The following DBT variants were observed in gnomAD, a reference collection of about 807,000 sequenced individuals.
The protein encoded by DBT is dihydrolipoamide branched chain transacylase E2.
In DBT, 40 loss-of-function variants were observed where a neutral mutation model predicts 51.3. The observed-to-expected ratio is 0.78, with a 90% CI of 0.61 to 1.02. The LOEUF (loss-of-function observed/expected upper bound fraction) is 1.02, where lower values mean the gene tolerates loss of function less well. DBT is among the 50% of genes least tolerant of loss of function. DBT has a pLI of 0.00. For missense variants in DBT, 510 were observed against 580.2 expected, an observed-to-expected ratio of 0.88 and a Z score of 1.24; for synonymous variants, 181 against 190.4, an observed-to-expected ratio of 0.95 and a Z score of 0.41.
rs1389633870 is a variant in DBT at position 100,192,662 on chromosome 1, T to C, written c.*3593A>G. 1 of 152,176 alleles carries C rather than the reference T, an allele frequency of 6.6e-6. No individual in the cohort carries two copies. The highest frequency in any genetic ancestry group is 1.5e-5 in the Non-Finnish European group (1 of 68,034). 9.4% of individuals were successfully genotyped at this position (152,176 alleles called of 1,614,324 possible). On this transcript the variant is annotated 3_prime_UTR_variant, in exon 11 of 11. Transcript: ENST00000370132. ...CTTTCACTCTTTCTACATAATCACTTCTTACATAGGTTTCAACATAAGGTA... is the reference window on the plus strand; with the variant it reads ...CTTTCACTCTTTCTACATAATCACTCCTTACATAGGTTTCAACATAAGGTA...
At position 100,214,963 on chromosome 1, in the gene DBT, T is replaced by C; in HGVS notation, c.793A>G (p.Lys265Glu). The C allele has an allele frequency of 6.2e-7, 1 of 1,612,036 alleles. No homozygotes were observed. The highest frequency in any genetic ancestry group is 1.1e-5 in the South Asian group (1 of 91,016). The change falls in exon 7 of 11, where the codon AAG (lysine) becomes GAG (glutamate). Residue 265 changes from lysine to glutamate, a missense_variant. Physicochemically the swap from Lys to Glu is moderately conservative, Grantham distance 56. Transcript: ENST00000370132. ...PIKGFQKAMVKTMSAALKIPH... is the reference protein window; with the variant it reads ...PIKGFQKAMVETMSAALKIPH... ...ATCTTCAGGGCTGCAGACATAGTCT[T>C]GACCATTGCTTTTTGAAAGCCTGAA...
At chr1:100,230,538 C>T (rs1050716112) in intron 4 of DBT, among the ~76,000 whole-genome samples, 195 bp downstream of exon 4, 3 of 151,378 alleles carry the variant, frequency 2.0e-5, no homozygotes, top group Admixed American at 6.6e-5. Flanking sequence ...TCTTATCCTA[C>T]AATTCAGATT....
chr1:100,225,010 T>A, intron 4 of DBT, among the ~76,000 whole-genome samples: 1 of 101,344 alleles, frequency 9.9e-6, no homozygotes, highest in Non-Finnish European at 1.8e-5. Context: ...AGAGTGAGAC[T>A]CCGTCTCCCC....
At chr1:100,221,440 T>G (rs960238021) in intron 4 of DBT, among the ~76,000 whole-genome samples, 1 of 152,196 alleles carries the variant, frequency 6.6e-6, no homozygotes, top group Admixed American at 6.5e-5. Context: ...TGCCTTGGCC[T>G]CCTTCAGTGT....
At chr1:100,228,379 G>A (rs1393954386) in intron 4 of DBT, among the ~76,000 whole-genome samples, 3 of 152,096 alleles carry the variant, frequency 2.0e-5, no homozygotes, top group East Asian at 1.9e-4. Context: ...TCCTATATTG[G>A]ATCCTAGTTA....
chr1:100,243,668 T>C (rs536964424), intron 1 of DBT, among the ~76,000 whole-genome samples: 75 of 152,190 alleles, frequency 4.9e-4, no homozygotes, highest in Middle Eastern at 3.4e-3. Flanking sequence ...AACATACACG[T>C]TAGCCCTCTT....
At chr1:100,238,580 C>CA (rs1329718956) in intron 2 of DBT, among the ~76,000 whole-genome samples, 1 of 152,030 alleles carries the variant, frequency 6.6e-6, no homozygotes, top group African/African-American at 2.4e-5. Flanking sequence ...ACTGCAGCCT[C>CA]AAACTCTGGG....
At chr1:100,203,368 T>C (rs756304460) in intron 10 of DBT, among the ~76,000 whole-genome samples, 5 of 152,240 alleles carry the variant, frequency 3.3e-5, no homozygotes, top group Non-Finnish European at 7.3e-5. Flanking sequence ...GATAAATTGC[T>C]GGACGCATAC....
rs112208534 is a variant in DBT, at chr1:100,214,679, G to C, written c.939+138C>G. ...TAAGGCAAGAGAATTGTTTAAACCC[G>C]GAAGGTGGAGGTTGCAGTGAGCCGA... On this transcript the variant is annotated intron_variant, in intron 7 of 10. Transcript: ENST00000370132. 8 of 820,446 alleles carry C rather than the reference G, an allele frequency of 9.8e-6. No homozygotes were observed. The East Asian group carries it at 2.1e-4, about 22-fold the overall frequency. 50.8% of individuals were successfully genotyped at this position (820,446 alleles called of 1,614,324 possible). A position where few individuals can be genotyped will look rare whatever the true frequency, so the allele number is the denominator to read the frequency against.
In DBT at chr1:100,191,630, G is replaced by A. The variant is rs894850998; in HGVS notation, c.*4625C>T. 3 of 152,196 alleles carry A rather than the reference G, an allele frequency of 2.0e-5. No homozygotes were observed. The highest frequency in any genetic ancestry group is 7.2e-5 in the African/African-American group (3 of 41,422). 9.4% of individuals were successfully genotyped at this position (152,196 alleles called of 1,614,324 possible). On this transcript the variant is annotated 3_prime_UTR_variant, in exon 11 of 11. Coordinates refer to ENST00000370132, the MANE Select transcript of DBT (RefSeq NM_001918.5). ...GGATGGCTGACTCCTAGGCTCCAAA[G>A]GTGACTAAGACTCAAGTGTGGACAG...
chr1:100,200,897 T>C (rs563357360), intron 10 of DBT, among the ~76,000 whole-genome samples: 1 of 151,898 alleles, frequency 6.6e-6, no homozygotes. Flanking sequence ...AAAAACTCCA[T>C]CCAAAGGTCA....
At chr1:100,201,709 G>C (rs376700899) in intron 10 of DBT, among the ~76,000 whole-genome samples, 193 of 152,228 alleles carry the variant, frequency 1.3e-3, no homozygotes, top group Non-Finnish European at 2.1e-3. Flanking sequence ...TGGATCTCTC[G>C]GCAGAAACTC....
chr1:100,193,259 A>G lies in DBT; in HGVS notation c.*2996T>C, dbSNP rs567851497. ...AGAACTCCCTTCTCCTGGTTTTTCT[A>G]TTCTTTAAGTGAGGAGGACATTTTT... is the stretch of plus-strand genomic sequence containing the variant. On this transcript the variant is annotated 3_prime_UTR_variant, in exon 11 of 11. Coordinates refer to ENST00000370132, the MANE Select transcript of DBT (RefSeq NM_001918.5). The G allele has an allele frequency of 6.6e-6, 1 of 152,294 alleles. No individual in the cohort carries two copies. The highest frequency in any genetic ancestry group is 2.1e-4 in the South Asian group (1 of 4,822). The allele number at this position is 152,294 out of a possible 1,614,324, so 9.4% of individuals were successfully genotyped here.
At chr1:100,240,643 G>T in intron 2 of DBT, 118 bp downstream of exon 2, 1 of 824,726 alleles carries the variant, frequency 1.2e-6, no homozygotes, top group Non-Finnish European at 2.1e-6. Flanking sequence ...GAAGGGCCCG[G>T]CTAGAAATAC....
intron 8 of DBT, among the ~76,000 whole-genome samples, chr1:100,210,380 C>A: frequency 6.7e-6 from 1 of 148,952 alleles, no homozygotes; most frequent in South Asian, 2.1e-4. Context: ...TCCAGGAATT[C>A]AATTTTGAAA....
At chr1:100,229,352 G>A (rs1005223144) in intron 4 of DBT, among the ~76,000 whole-genome samples, 11 of 151,940 alleles carry the variant, frequency 7.2e-5, no homozygotes, top group African/African-American at 2.4e-4. Context: ...ATTTTTAGTA[G>A]AGATGGGGTT....
intron 7 of DBT, 183 bp from the exon 8 acceptor site, chr1:100,210,954 G>A: frequency 8.5e-7 from 1 of 1,169,808 alleles, no homozygotes; most frequent in Non-Finnish European, 1.2e-6. Context: ...TGTGGAACTA[G>A]GTCACCCTAA....
intron 5 of DBT, among the ~76,000 whole-genome samples, chr1:100,217,442 A>G (rs1662560469): frequency 6.6e-6 from 1 of 152,200 alleles, no homozygotes; most frequent in African/African-American, 2.4e-5. Flanking sequence ...AAGGATACAT[A>G]ACATAATTTG....
intron 5 of DBT, among the ~76,000 whole-genome samples, chr1:100,217,656 C>CA (rs1199304187): frequency 6.6e-6 from 1 of 152,118 alleles, no homozygotes; most frequent in Non-Finnish European, 1.5e-5. Context: ...AAGAGACAAA[C>CA]AAAAAGTCTC....
Sources: allele counts gnomAD v4.1 joint callset (sites outside exome capture counted in the v4.1 genomes callset), GRCh38; gene constraint gnomAD v4.1.1; transcripts MANE v1.5; gene names NCBI Gene and HGNC (gene_info 2026-07-23, HGNC 2026-07-21).